TNNT1: variants seen among roughly 807,000 people sequenced by gnomAD.
TNNT1 encodes the protein troponin T1, slow skeletal type, also known as troponin T, slow skeletal muscle.
Under a neutral mutation model 50.6 loss-of-function variants are expected in TNNT1, and 53 were observed. That is an observed-to-expected ratio of 1.05 (90% CI 0.84 to 1.32). The LOEUF (loss-of-function observed/expected upper bound fraction) is 1.32. Among genes scored for constraint, TNNT1 ranks in the 40% most tolerant of loss-of-function variants. The pLI is 0.00. For synonymous variants in TNNT1, 142 were observed against 138.0 expected (o/e 1.03, Z -0.20); for missense variants, 348 against 381.7 (o/e 0.91, Z 0.74).
chr19:55,141,692 C>T (rs552793999), intron 7 of TNNT1, among the ~76,000 whole-genome samples, 165 bp downstream of exon 7: 2 of 152,100 alleles, frequency 1.3e-5, no homozygotes, highest in African/African-American at 4.8e-5. Context: ...CCATATTAAC[C>T]AGGCTGGTCT....
At chr19:55,138,687 G>C (rs1429527223) in intron 9 of TNNT1, among the ~76,000 whole-genome samples, 4 of 152,190 alleles carry the variant, frequency 2.6e-5, no homozygotes, top group South Asian at 4.1e-4. Context: ...AGTGAACTCT[G>C]CTGTACGACC....
intron 5 of TNNT1, 119 bp downstream of exon 5, chr19:55,146,315 G>C: frequency 1.6e-6 from 1 of 639,648 alleles, no homozygotes; most frequent in Non-Finnish European, 2.4e-6. Context: ...ACCGGGCCTG[G>C]GGGCGGGTTA....
At chr19:55,141,402 G>C in intron 7 of TNNT1, 100 bp from the exon 8 acceptor site, 1 of 883,310 alleles carries the variant, frequency 1.1e-6, no homozygotes, top group South Asian at 1.3e-5. Flanking sequence ...CCGTTTCCCA[G>C]GACGGTATCC....
chr19:55,142,001 G>A (rs1172900224), intron 6 of TNNT1, 81 bp from the exon 7 acceptor site: 1 of 1,451,146 alleles, frequency 6.9e-7, no homozygotes, highest in African/African-American at 1.4e-5. Flanking sequence ...GCCGTCCAGT[G>A]AGGTAGCCGC....
rs372922115 is a variant in TNNT1, at chr19:55,146,681, C to T, written c.73G>A (p.Ala25Thr). The T allele has an allele frequency of 2.1e-4, 318 of 1,498,496 alleles. 1 individual carries two copies. The East Asian group carries it at 7.6e-3, about 36-fold the overall frequency. The allele number at this position is 1,498,496 out of a possible 1,614,324, so 92.8% of individuals were successfully genotyped here. A position where few individuals can be genotyped will look rare whatever the true frequency, so the allele number is the denominator to read the frequency against. ...AGACCTGCGGAGTCCGGGACCTCAC[C>T]TTCCTCCTCCTCCTCCGCAGCCTCC... ...EEEAAEEEEE[A>T]PEEPEPVAEP... The change falls in exon 4 of 14, where the codon GCC becomes ACC. Residue 25 changes from alanine (A) to threonine (T), a missense_variant and splice_region_variant. Coordinates refer to ENST00000588981, the MANE Select transcript of TNNT1 (RefSeq NM_003283.6).
chr19:55,138,102 G>A (rs2085386965), intron 9 of TNNT1, 28 bp from the exon 10 acceptor site: 1 of 1,613,908 alleles, frequency 6.2e-7, no homozygotes, highest in Non-Finnish European at 8.5e-7. Context: ...TTAACCTCAT[G>A]GACTCCCCTG....
Position 55,134,086 on chromosome 19 carries a change from G to T in TNNT1, c.730C>A (p.Leu244Met). Reference protein sequence around the residue: ...ESEKFDLMAKLKQQKYEINVL... With the variant: ...ESEKFDLMAKMKQQKYEINVL... ...CTCACCTCATATTTCTGCTGTTTCA[G>T]CTTCGCCATCAGGTCGAACTTCTCA... Residue 244 changes from leucine (L) to methionine (M), a missense_variant, in exon 12 of 14, where the codon CTG (leucine) becomes ATG (methionine). Around this residue, in one of 3 missense-constraint regions of TNNT1, gnomAD observed 253 missense variants for 291.8 expected, o/e 0.87. Coordinates refer to ENST00000588981, the MANE Select transcript of TNNT1 (RefSeq NM_003283.6). 4 of 1,612,950 alleles carry T rather than the reference G, an allele frequency of 2.5e-6. No homozygotes were observed. Among genetic ancestry groups the T allele is most frequent in the Non-Finnish European group, 3.4e-6 (4 of 1,179,852 alleles).
At chr19:55,134,425 C>T (rs1460999170) in intron 11 of TNNT1, among the ~76,000 whole-genome samples, 1 of 151,824 alleles carries the variant, frequency 6.6e-6, no homozygotes, top group Non-Finnish European at 1.5e-5. Flanking sequence ...AGGCTCGGCA[C>T]CTGTAATCCC....
At chr19:55,143,102 G>C (rs562073642) in intron 6 of TNNT1, among the ~76,000 whole-genome samples, 9 of 151,528 alleles carry the variant, frequency 5.9e-5, no homozygotes, top group African/African-American at 2.2e-4. Flanking sequence ...CCCGGAGGCA[G>C]AGATTGCAGT....
chr19:55,143,886 C>T (rs76027072), intron 6 of TNNT1, among the ~76,000 whole-genome samples: 14,551 of 152,056 alleles, frequency 0.096, 1,461 homozygotes, highest in African/African-American at 0.25. Flanking sequence ...CCACACATGA[C>T]GTCCTGATGG....
In TNNT1 at chr19:55,137,874, G is replaced by C. The variant is rs558191230; in HGVS notation, c.501+87C>G. 58 of 1,532,276 alleles carry C rather than the reference G, an allele frequency of 3.8e-5. No individual in the cohort carries two copies. In the African/African-American group the frequency reaches 5.6e-4, roughly 15 times the overall value. The allele number at this position is 1,532,276 out of a possible 1,614,324, so 94.9% of individuals were successfully genotyped here. On this transcript the variant is annotated intron_variant, in intron 10 of 13. Coordinates refer to ENST00000588981, the MANE Select transcript of TNNT1 (RefSeq NM_003283.6). ...CTCAGACCCAGGAATCCAGGCCTCA[G>C]CCCCTCCTCCGTTAGGAACCAGAGG... is the stretch of plus-strand genomic sequence containing the variant.
intron 1 of TNNT1, 160 bp from the exon 2 acceptor site, chr19:55,147,328 G>A: frequency 6.1e-6 from 4 of 654,070 alleles, no homozygotes; most frequent in Non-Finnish European, 2.6e-6. Flanking sequence ...CTGGGTGTGA[G>A]AGAGGAGGAG....
At chr19:55,133,328 A>C (rs569918079) in intron 13 of TNNT1, among the ~76,000 whole-genome samples, 1 of 151,204 alleles carries the variant, frequency 6.6e-6, no homozygotes, top group Admixed American at 6.6e-5. Flanking sequence ...AGAAGAGGAG[A>C]AGGGAGAGGG....
chr19:55,146,368 C>G, intron 5 of TNNT1, 66 bp downstream of exon 5: 1 of 1,238,130 alleles, frequency 8.1e-7, no homozygotes, highest in Non-Finnish European at 1.1e-6. Context: ...GGTTGGGGCC[C>G]GAGGATATCG....
intron 6 of TNNT1, 117 bp from the exon 7 acceptor site, chr19:55,142,037 G>A (rs2085467068): frequency 1.0e-6 from 1 of 979,258 alleles, no homozygotes; most frequent in African/African-American, 1.6e-5. Context: ...CCTGAACGTG[G>A]AGGGTCCCAG....
intron 5 of TNNT1, 101 bp downstream of exon 5, chr19:55,146,333 G>A (rs1244834307): frequency 2.5e-6 from 2 of 784,524 alleles, no homozygotes; most frequent in Non-Finnish European, 3.7e-6. Flanking sequence ...TTATGGGGGC[G>A]GAGGGAGGGA....
chr19:55,147,319 T>C, intron 1 of TNNT1, 151 bp from the exon 2 acceptor site: 1 of 670,302 alleles, frequency 1.5e-6, no homozygotes, highest in Non-Finnish European at 2.5e-6. Flanking sequence ...TCTGGACTCC[T>C]GGGTGTGAGA....
chr19:55,139,716 C>T (rs1330714362), intron 9 of TNNT1, among the ~76,000 whole-genome samples: 1 of 152,066 alleles, frequency 6.6e-6, no homozygotes, highest in African/African-American at 2.4e-5. Flanking sequence ...GCTGTAATCC[C>T]AGCTACTCGG....
chr19:55,147,947 CTT>C (rs1274141291), intron 1 of TNNT1: 2 of 157,208 alleles, frequency 1.3e-5, no homozygotes, highest in Admixed American at 6.2e-5. Flanking sequence ...GGTCTGGACT[CTT>C]GGGTCTGAGG....
Sources: allele counts gnomAD v4.1 joint callset (sites outside exome capture counted in the v4.1 genomes callset), GRCh38; gene constraint gnomAD v4.1.1; regional missense constraint gnomAD v4.1.1; transcripts MANE v1.5; gene names NCBI Gene and HGNC (gene_info 2026-07-23, HGNC 2026-07-21).